The following CHST11 variants were observed in gnomAD, a reference collection of about 807,000 sequenced individuals.
The protein encoded by CHST11 is carbohydrate sulfotransferase 11.
A neutral mutation model predicts 30.4 loss-of-function variants in CHST11; 9 were observed. That is an observed-to-expected ratio of 0.30 (90% CI 0.18 to 0.52). The LOEUF is 0.52. Ranked by LOEUF, CHST11 falls within the 20% of genes least tolerant of loss-of-function variation. CHST11 has a pLI of 0.97. For missense variants in CHST11, 348 were observed against 460.6 expected, an observed-to-expected ratio of 0.76 and a Z score of 2.24; for synonymous variants, 152 against 187.8, an observed-to-expected ratio of 0.81 and a Z score of 1.56.
intron 2 of CHST11, among the ~76,000 whole-genome samples, chr12:104,612,508 A>C (rs1481335030): frequency 6.6e-6 from 1 of 152,172 alleles, no homozygotes; most frequent in Non-Finnish European, 1.5e-5. Context: ...ATCTTAGCTA[A>C]TTACATCTGT....
In CHST11 at chr12:104,521,016, C is replaced by CT. The variant is rs1048023042; in HGVS notation, c.118+63494dup. ...AATCTGAGCACTTAATTAGACATGTCTTTTTTTCCCCAGCTGCCCTAATTA... is the reference window on the plus strand; with the variant it reads ...AATCTGAGCACTTAATTAGACATGTCTTTTTTTTCCCCAGCTGCCCTAATTA... On this transcript the variant is annotated intron_variant, in intron 1 of 2. Coordinates refer to ENST00000303694, the MANE Select transcript of CHST11 (RefSeq NM_018413.6). Among the ~76,000 whole-genome samples the CT allele has an allele frequency of 2.6e-5, 4 of 152,240 alleles. No homozygotes were observed. In the South Asian group the frequency reaches 6.2e-4, roughly 24 times the overall value.
intron 2 of CHST11, among the ~76,000 whole-genome samples, chr12:104,719,114 G>A (rs190980006): frequency 2.0e-5 from 3 of 152,198 alleles, no homozygotes; most frequent in South Asian, 2.1e-4. Context: ...CTGCAGGCGC[G>A]GCCCCCAGGA....
At chr12:104,756,529 T>TGG (rs1284376246) in intron 2 of CHST11, among the ~76,000 whole-genome samples, 58 of 48,786 alleles carry the variant, frequency 1.2e-3, no homozygotes, top group African/African-American at 4.3e-3. Context: ...TGGATCCATG[T>TGG]GGGGTGTGTG....
chr12:104,726,361 G>A (rs563993895), intron 2 of CHST11, among the ~76,000 whole-genome samples: 1 of 152,294 alleles, frequency 6.6e-6, no homozygotes, highest in Admixed American at 6.5e-5. Context: ...AGCAGACACT[G>A]GATCTGCCGT....
intron 1 of CHST11, among the ~76,000 whole-genome samples, chr12:104,510,860 A>G (rs1465667203): frequency 6.6e-6 from 1 of 151,760 alleles, no homozygotes; most frequent in Non-Finnish European, 1.5e-5. Context: ...GTATTACTGT[A>G]AAATATTTGA....
intron 1 of CHST11, among the ~76,000 whole-genome samples, chr12:104,490,822 A>G (rs1217629862): frequency 1.3e-5 from 2 of 152,240 alleles, no homozygotes; most frequent in African/African-American, 2.4e-5. Flanking sequence ...TTTTGATCTC[A>G]GGAGTGTTTA....
intron 2 of CHST11, among the ~76,000 whole-genome samples, chr12:104,658,167 C>T (rs2039563809): frequency 6.6e-6 from 1 of 152,184 alleles, no homozygotes; most frequent in African/African-American, 2.4e-5. Context: ...GCAGGATGAG[C>T]GTCTGCAATC....
intron 2 of CHST11, among the ~76,000 whole-genome samples, chr12:104,648,177 C>A (rs1253046921): frequency 6.6e-6 from 1 of 152,202 alleles, no homozygotes; most frequent in Non-Finnish European, 1.5e-5. Context: ...GCAATAATTG[C>A]TTCTTCACCA....
chr12:104,637,319 A>G (rs2039333942), intron 2 of CHST11, among the ~76,000 whole-genome samples: 1 of 111,058 alleles, frequency 9.0e-6, no homozygotes, highest in Non-Finnish European at 1.8e-5. Flanking sequence ...AAAAAAAAAA[A>G]AAAAAAAAAA....
At chr12:104,706,125 T>C (rs1453885914) in intron 2 of CHST11, among the ~76,000 whole-genome samples, 1 of 151,724 alleles carries the variant, frequency 6.6e-6, no homozygotes, top group East Asian at 1.9e-4. Flanking sequence ...GGCTCACGCC[T>C]GTAATCCCAG....
chr12:104,706,189 G>T (rs1322719599), intron 2 of CHST11, among the ~76,000 whole-genome samples: 1 of 151,944 alleles, frequency 6.6e-6, no homozygotes, highest in East Asian at 1.9e-4. Context: ...CTCGAGACCA[G>T]CCTGGCCAAC....
intron 2 of CHST11, among the ~76,000 whole-genome samples, chr12:104,609,773 C>A (rs1265924046): frequency 6.6e-6 from 1 of 152,164 alleles, no homozygotes; most frequent in African/African-American, 2.4e-5. Flanking sequence ...TAATCAGTAG[C>A]CATTCATTTT....
intron 1 of CHST11, among the ~76,000 whole-genome samples, chr12:104,492,702 A>G (rs868393172): frequency 5.9e-5 from 9 of 152,256 alleles, no homozygotes; most frequent in African/African-American, 2.2e-4. Flanking sequence ...ACCATGGGAC[A>G]TGACATCAGT....
rs1300527844 is a variant in CHST11, at chr12:104,760,018, C to A, written c.*2215C>A. 6.6e-6 allele frequency: 1 copy of A among 152,156 alleles called. No homozygotes were observed. Among genetic ancestry groups the A allele is most frequent in the Non-Finnish European group, 1.5e-5 (1 of 68,036 alleles). The allele number at this position is 152,156 out of a possible 1,614,324, so 9.4% of individuals were successfully genotyped here. The stretch of plus-strand genomic sequence containing the variant: ...TTTGTGGTCAAATATCCTTAAGAAA[C>A]AAAGTTAAGTCAGTTTCCTTTCTGC... On this transcript the variant is annotated 3_prime_UTR_variant, in exon 3 of 3. Coordinates refer to ENST00000303694, the MANE Select transcript of CHST11 (RefSeq NM_018413.6).
chr12:104,567,128 C>T (rs910354409), intron 1 of CHST11, among the ~76,000 whole-genome samples: 2 of 152,154 alleles, frequency 1.3e-5, no homozygotes, highest in African/African-American at 4.8e-5. Flanking sequence ...GAATGGAGTA[C>T]ACTATCACAC....
chr12:104,730,971 T>C (rs1033182639), intron 2 of CHST11, among the ~76,000 whole-genome samples: 1 of 152,236 alleles, frequency 6.6e-6, no homozygotes, highest in Non-Finnish European at 1.5e-5. Flanking sequence ...AGGGAGAGGA[T>C]GCCCATCTTA....
intron 1 of CHST11, among the ~76,000 whole-genome samples, chr12:104,528,850 T>A (rs1438787758): frequency 6.6e-6 from 1 of 152,256 alleles, no homozygotes; most frequent in African/African-American, 2.4e-5. Context: ...TCCCCAGGAC[T>A]GACTTTGCAA....
intron 1 of CHST11, among the ~76,000 whole-genome samples, chr12:104,556,735 C>T (rs1353138203): frequency 6.6e-6 from 1 of 152,172 alleles, no homozygotes; most frequent in Non-Finnish European, 1.5e-5. Context: ...AATCCCAGCA[C>T]TTTGGGAGGC....
intron 1 of CHST11, among the ~76,000 whole-genome samples, chr12:104,523,338 A>C (rs2038091260): frequency 6.6e-6 from 1 of 152,244 alleles, no homozygotes. Context: ...GAGTGAGGGA[A>C]GCCAACTTGA....
Sources: allele counts gnomAD v4.1 joint callset (sites outside exome capture counted in the v4.1 genomes callset), GRCh38; gene constraint gnomAD v4.1.1; transcripts MANE v1.5; gene names NCBI Gene and HGNC (gene_info 2026-07-23, HGNC 2026-07-21).